Variants in USP2 observed in about 807,000 individuals in gnomAD.
USP2 encodes the protein ubiquitin carboxyl-terminal hydrolase 2.
USP2 carries 33 observed loss-of-function variants against 72.0 expected under a neutral mutation model. The observed-to-expected ratio is 0.46, with a 90% CI of 0.35 to 0.61. The LOEUF is 0.61. Ranked by LOEUF, USP2 falls within the 20% of genes least tolerant of loss-of-function variation. USP2 has a pLI of 0.01. For synonymous variants in USP2, 296 were observed against 312.5 expected (o/e 0.95, Z 0.56); for missense variants, 691 against 797.8 (o/e 0.87, Z 1.61).
Position 119,372,870 on chromosome 11 carries a change from C to G in USP2, c.611G>C (p.Arg204Pro). The change falls in exon 2 of 13, where the codon CGC (arginine) becomes CCC (proline). Residue 204 changes from arginine to proline, a missense_variant. Physicochemically the swap from Arg to Pro is moderately radical, Grantham distance 103 (BLOSUM62 -2). Coordinates refer to ENST00000260187, the MANE Select transcript of USP2 (RefSeq NM_004205.5). ...GGGCACCTGAGATGCACTGCCCTTG[C>G]GACCATAGTTCTCCAGGTAGTCGAC... ...YLVDYLENYG[R>P]KGSASQVPSQ... 2 of 1,607,330 alleles carry G rather than the reference C, an allele frequency of 1.2e-6. No individual in the cohort carries two copies. Among genetic ancestry groups the G allele is most frequent in the Non-Finnish European group, 1.7e-6 (2 of 1,177,380 alleles).
intron 2 of USP2, among the ~76,000 whole-genome samples, chr11:119,370,593 C>T (rs1470301238): frequency 3.9e-5 from 4 of 103,826 alleles, no homozygotes; most frequent in Non-Finnish European, 7.7e-5. Flanking sequence ...GCACTCTGCT[C>T]CAGGAAATGA....
At position 119,359,674 on chromosome 11, in the gene USP2, C is replaced by T. The variant is rs555842144; in HGVS notation, c.826-14G>A. The T allele has an allele frequency of 1.2e-5, 19 of 1,612,412 alleles. 1 individual carries two copies. In the South Asian group the frequency reaches 1.9e-4, roughly 16 times the overall value. On this transcript the variant is annotated splice_polypyrimidine_tract_variant and intron_variant, in intron 3 of 12. Transcript: ENST00000260187. The stretch of plus-strand genomic sequence containing the variant: ...GTTCATGAAGCACTGCAAGAGATGA[C>T]CAGGCAATCAGTGGGGAGACGAGAG...
At chr11:119,364,415 G>A (rs1434301042) in intron 2 of USP2, among the ~76,000 whole-genome samples, 2 of 152,102 alleles carry the variant, frequency 1.3e-5, no homozygotes, top group Admixed American at 6.5e-5. Context: ...AGGCCCGCGG[G>A]GGAGGCAGGA....
chr11:119,379,364 C>T (rs375901656), intron 1 of USP2: 11 of 615,072 alleles, frequency 1.8e-5, no homozygotes, highest in East Asian at 2.9e-4. Context: ...GAAAAGAGCA[C>T]AGAGGGGTGG....
chr11:119,372,688 TC>T lies in USP2; in HGVS notation c.774+18del, dbSNP rs1175879477. The T allele has an allele frequency of 1.3e-6, 2 of 1,508,044 alleles. No homozygotes were observed. The highest frequency in any genetic ancestry group is 8.8e-7 in the Non-Finnish European group (1 of 1,132,852). 93.4% of individuals were successfully genotyped at this position (1,508,044 alleles called of 1,614,324 possible). A position where few individuals can be genotyped will look rare whatever the true frequency, so the allele number is the denominator to read the frequency against. On this transcript the variant is annotated intron_variant, in intron 2 of 12. Transcript: ENST00000260187. ...GGCTGCCTCCCCAGCCTATCCCCGG[TC>T]CCCAAGGGTAAACTCACCATGCCGT...
At chr11:119,364,642 C>A (rs1318447953) in intron 2 of USP2, among the ~76,000 whole-genome samples, 2 of 152,212 alleles carry the variant, frequency 1.3e-5, no homozygotes, top group Non-Finnish European at 2.9e-5. Context: ...CGTATATGCA[C>A]AAACTTTTGT....
At chr11:119,376,316 A>G in intron 1 of USP2, 1 of 985,688 alleles carries the variant, frequency 1.0e-6, no homozygotes, top group Non-Finnish European at 1.2e-6. Flanking sequence ...AGACAGGGAC[A>G]GGACGGGCAC....
rs1048544222 is a variant in USP2, at chr11:119,356,599, C to G, written c.*236G>C. ...TTTACAAATGCAAACGCCGAGGGCA[C>G]GGGGCGATGCTGGCTCCACGTCCAG... On this transcript the variant is annotated 3_prime_UTR_variant, in exon 13 of 13. Transcript: ENST00000260187. The G allele has an allele frequency of 7.0e-5, 37 of 529,632 alleles. No individual in the cohort carries two copies. The African/African-American group carries it at 7.1e-4, about 10-fold the overall frequency. 32.8% of individuals were successfully genotyped at this position (529,632 alleles called of 1,614,324 possible).
rs1042484542 is a variant in USP2 at position 119,356,152 on chromosome 11, C to T, written c.*683G>A. ...CCTGGCCAACGCCCACCTAGCACCACGGAGGGCTAGCATTAGAAAGTTGTA... is the reference window on the plus strand; with the variant it reads ...CCTGGCCAACGCCCACCTAGCACCATGGAGGGCTAGCATTAGAAAGTTGTA... On this transcript the variant is annotated 3_prime_UTR_variant, in exon 13 of 13. Transcript: ENST00000260187. The T allele has an allele frequency of 2.0e-5, 3 of 151,688 alleles. No individual in the cohort carries two copies. The highest frequency in any genetic ancestry group is 4.4e-5 in the Non-Finnish European group (3 of 67,960). The allele number at this position is 151,688 out of a possible 1,614,324, so 9.4% of individuals were successfully genotyped here.
Position 119,372,768 on chromosome 11 carries a change from T to TCCCA in USP2, c.709_712dup (p.Glu238ValfsTer25), listed in dbSNP as rs1172150606. 6.4e-7 allele frequency: 1 copy of TCCCA among 1,565,732 alleles called. No individual in the cohort carries two copies. The highest frequency in any genetic ancestry group is 8.6e-7 in the Non-Finnish European group (1 of 1,159,534). ...CCCAGGGGCCTGACCCTTTCCCGTC[T>TCCCA]CCCACAGCGTGTAGCGGCCAATGGG... On this transcript the variant is annotated frameshift_variant, in exon 2 of 13. Coordinates refer to ENST00000260187, the MANE Select transcript of USP2 (RefSeq NM_004205.5). LOFTEE classifies it high-confidence loss of function.
rs1188427169 is a variant in USP2, at chr11:119,373,395, G to A, written c.86C>T (p.Ala29Val). 3 of 1,608,662 alleles carry A rather than the reference G, an allele frequency of 1.9e-6. No individual in the cohort carries two copies. Among genetic ancestry groups the A allele is most frequent in the African/African-American group, 1.3e-5 (1 of 75,034 alleles). The change falls in exon 2 of 13, where the codon GCC (alanine) becomes GTC (valine). Residue 29 changes from alanine (A) to valine (V), a missense_variant. Ala to Val is a moderately conservative substitution (Grantham distance 64). Coordinates refer to ENST00000260187, the MANE Select transcript of USP2 (RefSeq NM_004205.5). ...GGCCCCATAGGAGGACGGGGTGTAG[G>A]CACCATAGCCCGACTTGGCATAGTG... ...DAHYAKSGYG[A>V]YTPSSYGANL...
At chr11:119,365,990 G>A (rs760045376) in intron 2 of USP2, among the ~76,000 whole-genome samples, 18 of 151,808 alleles carry the variant, frequency 1.2e-4, no homozygotes, top group Non-Finnish European at 2.5e-4. Flanking sequence ...TGCCTCCCGG[G>A]TTCAAACAAT....
intron 2 of USP2, among the ~76,000 whole-genome samples, chr11:119,365,329 A>G (rs1591324423): frequency 6.6e-6 from 1 of 152,002 alleles, no homozygotes; most frequent in South Asian, 2.1e-4. Context: ...CAAAGCAGCA[A>G]TTTCATGCTA....
intron 2 of USP2, among the ~76,000 whole-genome samples, chr11:119,371,338 C>G (rs1457499660): frequency 1.3e-5 from 2 of 152,090 alleles, no homozygotes; most frequent in Non-Finnish European, 2.9e-5. Flanking sequence ...CCAAGTGAGT[C>G]CTGCTCCACT....
chr11:119,357,206 G>T lies in USP2; in HGVS notation c.1711C>A (p.His571Asn), dbSNP rs150768738. The T allele has an allele frequency of 1.2e-6, 2 of 1,613,678 alleles. No individual in the cohort carries two copies. The highest frequency in any genetic ancestry group is 4.5e-5 in the East Asian group (2 of 44,860). ...TCTCACCTGGAGTCGTTGAAAGTGT[G>T]CCATTCTCCTGTCCCTGGACTGCGA... Reference protein sequence around the residue: ...YCRSPGTGEWHTFNDSSVTPM... With the variant: ...YCRSPGTGEWNTFNDSSVTPM... The change falls in exon 12 of 13, where the codon CAC becomes AAC. Residue 571 changes from histidine (H) to asparagine (N), a missense_variant. By Grantham distance (68) the His-to-Asn change is moderately conservative. Coordinates refer to ENST00000260187, the MANE Select transcript of USP2 (RefSeq NM_004205.5).
chr11:119,359,990 T>G (rs1356864320), intron 3 of USP2, among the ~76,000 whole-genome samples, 194 bp downstream of exon 3: 1 of 152,180 alleles, frequency 6.6e-6, no homozygotes, highest in Non-Finnish European at 1.5e-5. Flanking sequence ...CAACTTCCTT[T>G]TAGCAGTGCT....
chr11:119,357,025 G>A, intron 12 of USP2, 103 bp from the exon 13 acceptor site: 3 of 1,398,192 alleles, frequency 2.1e-6, no homozygotes, highest in Non-Finnish European at 2.9e-6. Context: ...CTTTCAGGGA[G>A]CCTCCCCACG....
chr11:119,381,659 G>A lies in USP2; in HGVS notation c.-228C>T. ...GAAGGGACCTCCCCGGGAAATCGGC[G>A]CCACCCAGCGGGCAGCCGCCTCATC... On this transcript the variant is annotated 5_prime_UTR_variant, in exon 1 of 13. Coordinates refer to ENST00000260187, the MANE Select transcript of USP2 (RefSeq NM_004205.5). The A allele has an allele frequency of 8.9e-7, 1 of 1,119,990 alleles. No homozygotes were observed. The highest frequency in any genetic ancestry group is 1.3e-6 in the Non-Finnish European group (1 of 776,428). The allele number at this position is 1,119,990 out of a possible 1,614,324, so 69.4% of individuals were successfully genotyped here.
chr11:119,360,690 G>A (rs1950749976), intron 2 of USP2, among the ~76,000 whole-genome samples: 1 of 152,146 alleles, frequency 6.6e-6, no homozygotes, highest in African/African-American at 2.4e-5. Context: ...TTCCCAAAGT[G>A]CTGGGATTAC....
Sources: allele counts gnomAD v4.1 joint callset (sites outside exome capture counted in the v4.1 genomes callset), GRCh38; gene constraint gnomAD v4.1.1; transcripts MANE v1.5; gene names NCBI Gene and HGNC (gene_info 2026-07-23, HGNC 2026-07-21).